ALDH1L1: variants seen among roughly 807,000 people sequenced by gnomAD.
ALDH1L1 encodes the protein aldehyde dehydrogenase 1 family member L1, also known as cytosolic 10-formyltetrahydrofolate dehydrogenase.
In ALDH1L1, 68 loss-of-function variants were observed where a neutral mutation model predicts 101.1. The ratio of observed to expected loss-of-function variants is 0.67; its 90% confidence interval spans 0.55 to 0.82. ALDH1L1 has a LOEUF of 0.82. Among genes scored for constraint, ALDH1L1 ranks in the 40% least tolerant of loss-of-function variants. ALDH1L1 has a pLI of 0.00. For synonymous variants in ALDH1L1, 486 were observed against 470.8 expected (o/e 1.03, Z -0.42); for missense variants, 1,087 against 1,172.7 (o/e 0.93, Z 1.07).
chr3:126,195,707 C>T (rs1403228575), intron 1 of ALDH1L1, among the ~76,000 whole-genome samples: 3 of 152,174 alleles, frequency 2.0e-5, no homozygotes, highest in African/African-American at 4.8e-5. Context: ...GACTTGGAAC[C>T]AACCTAAATG....
intron 7 of ALDH1L1, chr3:126,151,955 A>G (rs4646717): frequency 0.39 from 59,080 of 152,862 alleles, 11,583 homozygotes; most frequent in Middle Eastern, 0.46. Context: ...AAGACACTTA[A>G]TTGCCTTCTT....
At chr3:126,109,512 A>T (rs1276997560) in intron 20 of ALDH1L1, among the ~76,000 whole-genome samples, 2 of 152,020 alleles carry the variant, frequency 1.3e-5, no homozygotes, top group Non-Finnish European at 2.9e-5. Context: ...CAGGGGAGAG[A>T]TCCTGCGGGC....
intron 21 of ALDH1L1, 104 bp from the exon 22 acceptor site, chr3:126,106,029 C>G: frequency 8.2e-7 from 1 of 1,212,238 alleles, no homozygotes; most frequent in South Asian, 1.5e-5. Flanking sequence ...TAAGACCTTC[C>G]GAGGAGAAAA....
chr3:126,108,722 C>T (rs1945973670), intron 20 of ALDH1L1, among the ~76,000 whole-genome samples: 1 of 152,224 alleles, frequency 6.6e-6, no homozygotes, highest in Admixed American at 6.5e-5. Context: ...CACTGGAAAG[C>T]CTCCACTAAG....
intron 1 of ALDH1L1, among the ~76,000 whole-genome samples, chr3:126,164,671 C>T (rs115130190): frequency 0.01 from 1,550 of 152,316 alleles, 19 homozygotes; most frequent in Non-Finnish European, 0.017. Flanking sequence ...AATAGTCCAA[C>T]GACGAACATA....
At chr3:126,121,355 T>C (rs978863002) in intron 16 of ALDH1L1, among the ~76,000 whole-genome samples, 4 of 152,222 alleles carry the variant, frequency 2.6e-5, no homozygotes, top group African/African-American at 7.2e-5. Flanking sequence ...CCATAGTCTC[T>C]GATCATGACA....
rs2080887661 is a variant in ALDH1L1 at position 126,155,520 on chromosome 3, G to T, written c.529-17C>A. On this transcript the variant is annotated splice_polypyrimidine_tract_variant and intron_variant, in intron 4 of 22. Coordinates refer to ENST00000393434, the MANE Select transcript of ALDH1L1 (RefSeq NM_012190.4). ...GGCCTGCACCTGGGGAGATCCAGTGGGTTGCTATCCCCAGCAATAGGACCC... is the reference window on the plus strand; with the variant it reads ...GGCCTGCACCTGGGGAGATCCAGTGTGTTGCTATCCCCAGCAATAGGACCC... 3 of 1,601,510 alleles carry T rather than the reference G, an allele frequency of 1.9e-6. No individual in the cohort carries two copies. Among genetic ancestry groups the T allele is most frequent in the Non-Finnish European group, 2.6e-6 (3 of 1,174,166 alleles).
chr3:126,105,115 TGCTGCCG>T (rs1945819425), intron 22 of ALDH1L1: 6 of 168,348 alleles, frequency 3.6e-5, no homozygotes, highest in Admixed American at 3.3e-4. Flanking sequence ...GGACCCCGCC[TGCTGCCG>T]CCTGAGTAAC....
intron 1 of ALDH1L1, among the ~76,000 whole-genome samples, chr3:126,178,379 T>G (rs1576502157): frequency 1.6e-5 from 1 of 61,942 alleles, no homozygotes. Context: ...AGACCCTGTC[T>G]CAAAAAAAAA....
intron 15 of ALDH1L1, 42 bp from the exon 16 acceptor site, chr3:126,124,493 T>G: frequency 6.5e-7 from 1 of 1,542,100 alleles, no homozygotes; most frequent in Non-Finnish European, 8.9e-7. Context: ...AAGGAGGTTT[T>G]TGAAAGTGGG....
intron 1 of ALDH1L1, among the ~76,000 whole-genome samples, chr3:126,174,545 A>G (rs1053868532): frequency 6.6e-6 from 1 of 152,246 alleles, no homozygotes; most frequent in Admixed American, 6.5e-5. Flanking sequence ...GACTTCTATG[A>G]TGGAGATTAC....
rs201903896 is a variant in ALDH1L1 at position 126,109,980 on chromosome 3, T to C, written c.2311A>G (p.Thr771Ala). 632 of 1,614,196 alleles carry C rather than the reference T, an allele frequency of 3.9e-4. No individual in the cohort carries two copies. The highest frequency in any genetic ancestry group is 8.2e-4 in the Middle Eastern group (5 of 6,062). Residue 771 changes from threonine to alanine, a missense_variant, in exon 20 of 23, where the codon ACA (threonine) becomes GCA (alanine). Around this residue, in one of 2 missense-constraint regions of ALDH1L1, gnomAD observed 442 missense variants for 535.7 expected, o/e 0.83. Coordinates refer to ENST00000393434, the MANE Select transcript of ALDH1L1 (RefSeq NM_012190.4). The part of the protein sequence containing the change: ...YCQHGVKEGA[T>A]LVCGGNQVPR... ...ACCTGATTCCCGCCGCAGACCAGTG[T>C]GGCCCCTTCCTTCACGCCATGCTGG...
rs1347251260 is a variant in ALDH1L1 at position 126,159,662 on chromosome 3, A to T, written c.128-1023T>A. On this transcript the variant is annotated intron_variant, in intron 2 of 22. Coordinates refer to ENST00000393434, the MANE Select transcript of ALDH1L1 (RefSeq NM_012190.4). ...GTGACCAATGAAATACTGCTTCAGG[A>T]CATCTGAGATCAAGGCCAAGTAGGA... 4 of 392,958 alleles carry T rather than the reference A, an allele frequency of 1.0e-5. No homozygotes were observed. The East Asian group carries it at 2.9e-4, about 28-fold the overall frequency. 24.3% of individuals were successfully genotyped at this position (392,958 alleles called of 1,614,324 possible). A position where few individuals can be genotyped will look rare whatever the true frequency, so the allele number is the denominator to read the frequency against.
Position 126,153,497 on chromosome 3 carries a change from G to T in ALDH1L1, c.805C>A (p.Pro269Thr), listed in dbSNP as rs150066019. The stretch of plus-strand genomic sequence containing the variant: ...AGTCCTGCTTTGGTGACCACCCCTG[G>T]CCGATGGGCTCCTGGGATGGGCAAA... ...DALPIPGAHRPGVVTKAGLIL... is the reference protein window; with the variant it reads ...DALPIPGAHRTGVVTKAGLIL... Residue 269 changes from proline (P) to threonine (T), a missense_variant, in exon 7 of 23, where the codon CCA (proline) becomes ACA (threonine). By Grantham distance (38) the Pro-to-Thr change is conservative. Around this residue, in one of 2 missense-constraint regions of ALDH1L1, gnomAD observed 645 missense variants for 637.0 expected, o/e 1.01. Coordinates refer to ENST00000393434, the MANE Select transcript of ALDH1L1 (RefSeq NM_012190.4). The T allele has an allele frequency of 2.5e-6, 4 of 1,614,138 alleles. No homozygotes were observed. The African/African-American group carries it at 4.0e-5, about 16-fold the overall frequency.
chr3:126,115,700 G>C (rs898743288), intron 17 of ALDH1L1, among the ~76,000 whole-genome samples: 1 of 151,852 alleles, frequency 6.6e-6, no homozygotes. Context: ...TCAGCCTCCC[G>C]AGTAGCTGGG....
chr3:126,131,256 G>A, intron 13 of ALDH1L1, 128 bp downstream of exon 13: 2 of 1,221,074 alleles, frequency 1.6e-6, no homozygotes, highest in East Asian at 2.5e-5. Flanking sequence ...ATAAACAGGT[G>A]TCATTCCAAG....
chr3:126,146,989 G>C (rs902656503), intron 8 of ALDH1L1, 63 bp from the exon 9 acceptor site: 1 of 1,498,274 alleles, frequency 6.7e-7, no homozygotes, highest in Non-Finnish European at 9.2e-7. Flanking sequence ...GCCACTCCAG[G>C]ACAACAACCC....
At chr3:126,142,021 T>C (rs1188372052) in intron 9 of ALDH1L1, among the ~76,000 whole-genome samples, 1 of 152,142 alleles carries the variant, frequency 6.6e-6, no homozygotes, top group African/African-American at 2.4e-5. Context: ...GGAGACATTA[T>C]ACCAATCTTA....
At chr3:126,139,870 G>GA (rs1272009886) in intron 9 of ALDH1L1, among the ~76,000 whole-genome samples, 6 of 151,856 alleles carry the variant, frequency 4.0e-5, no homozygotes, top group Non-Finnish European at 7.4e-5. Flanking sequence ...GAAGCAGAAA[G>GA]AAAAAAGAAT....
Sources: allele counts gnomAD v4.1 joint callset (sites outside exome capture counted in the v4.1 genomes callset), GRCh38; gene constraint gnomAD v4.1.1; regional missense constraint gnomAD v4.1.1; transcripts MANE v1.5; gene names NCBI Gene and HGNC (gene_info 2026-07-23, HGNC 2026-07-21).